Variants in MYO3B observed in about 807,000 individuals in gnomAD.
MYO3B encodes the protein myosin IIIB.
Under a neutral mutation model 174.6 loss-of-function variants are expected in MYO3B, and 156 were observed. That is an observed-to-expected ratio of 0.89 (90% CI 0.78 to 1.02). The LOEUF is 1.02. MYO3B is among the 50% of genes least tolerant of loss of function. The pLI is 0.00. For synonymous variants in MYO3B, 563 were observed against 569.1 expected (o/e 0.99, Z 0.15); for missense variants, 1,632 against 1,639.4 (o/e 1.00, Z 0.08).
chr2:170,193,990 G>C (rs2092570880), intron 1 of MYO3B, among the ~76,000 whole-genome samples: 1 of 151,952 alleles, frequency 6.6e-6, no homozygotes, highest in Non-Finnish European at 1.5e-5. Flanking sequence ...TCACACTGTT[G>C]ATTAGCTTTA....
chr2:170,179,933 TTTC>T (rs1423891913), intron 1 of MYO3B, among the ~76,000 whole-genome samples: 3 of 152,214 alleles, frequency 2.0e-5, no homozygotes, highest in African/African-American at 4.8e-5. Flanking sequence ...AGGTTTCCGA[TTTC>T]TTCTTTCTAA....
At chr2:170,602,216 C>G in intron 32 of MYO3B, 1 of 1,163,748 alleles carries the variant, frequency 8.6e-7, no homozygotes, top group South Asian at 1.2e-5. Context: ...TTCTTAGGGT[C>G]TCCTTTGCCC....
chr2:170,259,921 A>T (rs528525939), intron 7 of MYO3B, among the ~76,000 whole-genome samples: 1 of 152,236 alleles, frequency 6.6e-6, no homozygotes, highest in East Asian at 1.9e-4. Context: ...GAAGAGATAG[A>T]TACATCTCAG....
chr2:170,519,596 G>A, intron 30 of MYO3B, 56 bp downstream of exon 30: 1 of 1,333,694 alleles, frequency 7.5e-7, no homozygotes, highest in Non-Finnish European at 1.1e-6. Flanking sequence ...CCATTCTAAT[G>A]GATAATGAAA....
chr2:170,259,941 C>A (rs542182535), intron 7 of MYO3B, among the ~76,000 whole-genome samples: 1 of 151,286 alleles, frequency 6.6e-6, no homozygotes, highest in Admixed American at 6.6e-5. Flanking sequence ...GAAGAAGACA[C>A]ACAAGCAGCC....
At position 170,524,608 on chromosome 2, in the gene MYO3B, C is replaced by T. The variant is rs139623717; in HGVS notation, c.3575+5068C>T. On this transcript the variant is annotated intron_variant, in intron 30 of 34. Transcript: ENST00000408978. ...AAGTGATTCTCCTGCCTCAGCCTCC[C>T]GAGTAGCTGGGATTACAGGTGCGTG... 1,379 of 382,570 alleles carry T rather than the reference C, an allele frequency of 3.6e-3. 13 individuals carry two copies. Among genetic ancestry groups the T allele is most frequent in the African/African-American group, 0.024 (1,110 of 46,698 alleles). 23.7% of individuals were successfully genotyped at this position (382,570 alleles called of 1,614,324 possible). A position where few individuals can be genotyped will look rare whatever the true frequency, so the allele number is the denominator to read the frequency against.
chr2:170,237,126 C>T (rs566071236), intron 7 of MYO3B, among the ~76,000 whole-genome samples: 9 of 152,222 alleles, frequency 5.9e-5, no homozygotes, highest in East Asian at 1.9e-4. Flanking sequence ...TTGCCTTTTT[C>T]GAATCACAAA....
At chr2:170,554,187 A>G (rs1691120542) in intron 32 of MYO3B, among the ~76,000 whole-genome samples, 1 of 152,188 alleles carries the variant, frequency 6.6e-6, no homozygotes, top group Non-Finnish European at 1.5e-5. Flanking sequence ...ATTTTGAAGA[A>G]TAGGAACAGG....
chr2:170,285,915 C>T (rs535072226), intron 7 of MYO3B, among the ~76,000 whole-genome samples: 2 of 151,412 alleles, frequency 1.3e-5, no homozygotes. Context: ...CTAAGTCTTT[C>T]TTACATGAAA....
chr2:170,491,628 C>T (rs1479454867), intron 25 of MYO3B, among the ~76,000 whole-genome samples: 17 of 152,210 alleles, frequency 1.1e-4, no homozygotes, highest in South Asian at 8.3e-4. Flanking sequence ...GGTTTCACCC[C>T]CTTAGCCAGG....
rs574434507 is a variant in MYO3B, at chr2:170,272,467, T to C, written c.749+36331T>C. Among the ~76,000 whole-genome samples, 7 of 152,276 alleles carry C rather than the reference T, an allele frequency of 4.6e-5. No homozygotes were observed. The South Asian group carries it at 1.5e-3, about 32-fold the overall frequency. Reference sequence around the variant, plus strand: ...CCTTTGATTTTTGTCTCATCACCAGTGGAATACTCAACACTCTAAAGGGAG... The same window carrying C: ...CCTTTGATTTTTGTCTCATCACCAGCGGAATACTCAACACTCTAAAGGGAG... On this transcript the variant is annotated intron_variant, in intron 7 of 34. Transcript: ENST00000408978.
intron 18 of MYO3B, 98 bp from the exon 19 acceptor site, chr2:170,402,750 G>T: frequency 8.7e-7 from 1 of 1,153,602 alleles, no homozygotes; most frequent in South Asian, 2.8e-5. Flanking sequence ...TGGGTGAATT[G>T]GGTACTTGAG....
intron 2 of MYO3B, among the ~76,000 whole-genome samples, chr2:170,199,770 T>C (rs2092641112): frequency 6.6e-6 from 1 of 152,220 alleles, no homozygotes; most frequent in African/African-American, 2.4e-5. Context: ...GTATGCTGTT[T>C]TGCACAGTGA....
At chr2:170,509,607 C>T (rs1486804723) in intron 28 of MYO3B, among the ~76,000 whole-genome samples, 2 of 152,000 alleles carry the variant, frequency 1.3e-5, no homozygotes, top group Non-Finnish European at 2.9e-5. Context: ...CATGCTGAAA[C>T]CTTGATTCAT....
intron 7 of MYO3B, among the ~76,000 whole-genome samples, chr2:170,314,782 T>C (rs1162248327): frequency 6.6e-6 from 1 of 152,178 alleles, no homozygotes; most frequent in Non-Finnish European, 1.5e-5. Context: ...GAATGGGAAG[T>C]GTTGGAAGAA....
intron 7 of MYO3B, among the ~76,000 whole-genome samples, chr2:170,255,760 A>G (rs1284234474): frequency 6.6e-6 from 1 of 152,208 alleles, no homozygotes; most frequent in African/African-American, 2.4e-5. Flanking sequence ...TTCCTTACCT[A>G]TAAAGTATTG....
rs1309581602 is a variant in MYO3B at position 170,498,602 on chromosome 2, T to C, written c.3025T>C (p.Leu1009=). ...TCTTTTATTTTGCAGGTATTATTAC[T>C]TGGCATTCACAGCACATCAAACACC... The part of the protein sequence containing the change: ...FEEFVKRYYY[L]AFTAHQTPLA... Residue 1009 remains leucine (L), a synonymous_variant, in exon 26 of 35, where the codon TTG becomes CTG. Transcript: ENST00000408978. 6.2e-7 allele frequency: 1 copy of C among 1,613,342 alleles called. No individual in the cohort carries two copies. The highest frequency in any genetic ancestry group is 8.5e-7 in the Non-Finnish European group (1 of 1,179,350).
Position 170,475,595 on chromosome 2 carries a change from T to C in MYO3B, c.3014+8884T>C, listed in dbSNP as rs563956858. ...AGTATTTCCTGCCATACTTTCAGAATACTAATCAATCTTTCAGCTGAATTT... is the reference window on the plus strand; with the variant it reads ...AGTATTTCCTGCCATACTTTCAGAACACTAATCAATCTTTCAGCTGAATTT... On this transcript the variant is annotated intron_variant, in intron 25 of 34. Coordinates refer to ENST00000408978, the MANE Select transcript of MYO3B (RefSeq NM_138995.5). Among the ~76,000 whole-genome samples, 3 of 152,334 alleles carry C rather than the reference T, an allele frequency of 2.0e-5. No individual in the cohort carries two copies. In the South Asian group the frequency reaches 6.2e-4, roughly 32 times the overall value.
At chr2:170,480,408 G>A (rs1685617330) in intron 25 of MYO3B, among the ~76,000 whole-genome samples, 2 of 152,122 alleles carry the variant, frequency 1.3e-5, no homozygotes, top group Admixed American at 1.3e-4. Flanking sequence ...CCCAAGCAAG[G>A]CATGGAAGCT....
Sources: allele counts gnomAD v4.1 joint callset (sites outside exome capture counted in the v4.1 genomes callset), GRCh38; gene constraint gnomAD v4.1.1; transcripts MANE v1.5; gene names NCBI Gene and HGNC (gene_info 2026-07-23, HGNC 2026-07-21).